PELP1: variants seen among roughly 807,000 people sequenced by gnomAD.
PELP1 encodes the protein proline, glutamate and leucine rich protein 1.
In PELP1, 32 loss-of-function variants were observed where a neutral mutation model predicts 95.5. The ratio of observed to expected loss-of-function variants is 0.34; its 90% CI spans 0.25 to 0.45. PELP1 has a LOEUF of 0.45. Ranked by LOEUF, PELP1 falls within the 20% of genes least tolerant of loss-of-function variation. The pLI is 1.00. For missense variants in PELP1, 1,358 were observed against 1,444.8 expected (o/e 0.94, Z 0.97); for synonymous variants, 668 against 600.1 (o/e 1.11, Z -1.65).
In PELP1 at chr17:4,671,925, T is replaced by C. The variant is rs754204815; in HGVS notation, c.3066A>G (p.Thr1022=). The change falls in exon 16 of 17, where the codon ACA becomes ACG. Residue 1022 remains threonine (T), a synonymous_variant. Transcript: ENST00000572293. The part of the protein sequence containing the change: ...PGTEEERGAD[T]APTLAPEALP... ...GCGCTTCAGGGGCCAGGGTGGGAGC[T>C]GTGTCAGCCCCACGCTCCTCCTCCG... The C allele has an allele frequency of 4.6e-5, 70 of 1,519,438 alleles. 1 individual carries two copies. The highest frequency in any genetic ancestry group is 6.9e-5 in the Admixed American group (3 of 43,770). The allele number at this position is 1,519,438 out of a possible 1,614,324, so 94.1% of individuals were successfully genotyped here.
chr17:4,687,178 AAGAACTATAGTCTTT>A (rs1215178725), intron 3 of PELP1, among the ~76,000 whole-genome samples: 2 of 152,166 alleles, frequency 1.3e-5, no homozygotes, highest in Non-Finnish European at 2.9e-5. Context: ...CATGTTTTCC[AAGAACTATAGTCTTT>A]ACCTCCACAG....
chr17:4,684,997 C>A (rs1162697459), intron 3 of PELP1, among the ~76,000 whole-genome samples: 5 of 152,186 alleles, frequency 3.3e-5, no homozygotes, highest in Non-Finnish European at 7.3e-5. Flanking sequence ...CCAAAAAAGT[C>A]TTTTCTTGAG....
Position 4,691,372 on chromosome 17 carries a change from A to G in PELP1, c.314+6T>C. 6.2e-7 allele frequency: 1 copy of G among 1,610,164 alleles called. No homozygotes were observed. Among genetic ancestry groups the G allele is most frequent in the East Asian group, 2.2e-5 (1 of 44,842 alleles). The stretch of plus-strand genomic sequence containing the variant: ...CCCTGGAGAAAAAAAAGGGCCAAAG[A>G]CTTACCGAGTTTTGATGGAACTGAG... On this transcript the variant is annotated splice_donor_region_variant and intron_variant, in intron 2 of 16. Coordinates refer to ENST00000572293, the MANE Select transcript of PELP1 (RefSeq NM_014389.3).
intron 1 of PELP1, among the ~76,000 whole-genome samples, chr17:4,699,287 G>A (rs1913426569): frequency 6.6e-6 from 1 of 152,068 alleles, no homozygotes; most frequent in African/African-American, 2.4e-5. Context: ...GGCTGAGACA[G>A]GAGAATGACG....
chr17:4,693,965 G>A (rs1913202285), intron 1 of PELP1, among the ~76,000 whole-genome samples: 1 of 152,166 alleles, frequency 6.6e-6, no homozygotes, highest in African/African-American at 2.4e-5. Context: ...GGGAGGCTGA[G>A]GCATAAGAAT....
intron 1 of PELP1, among the ~76,000 whole-genome samples, chr17:4,693,344 C>A (rs1445627298): frequency 1.3e-5 from 2 of 152,208 alleles, no homozygotes; most frequent in Non-Finnish European, 2.9e-5. Flanking sequence ...CCCTTATCTG[C>A]AGGGGGTGCT....
At chr17:4,699,159 C>T (rs1913420996) in intron 1 of PELP1, among the ~76,000 whole-genome samples, 1 of 152,136 alleles carries the variant, frequency 6.6e-6, no homozygotes, top group Non-Finnish European at 1.5e-5. Context: ...GCGGGCGGAT[C>T]ACGAGGTCAG....
chr17:4,673,795 T>C lies in PELP1; in HGVS notation c.1583-121A>G. ...CACTGCCTATCTTGGCCAAGTCATT[T>C]AACTTCTCAACTAGAAAATGGGGAT... On this transcript the variant is annotated intron_variant, in intron 13 of 16. Coordinates refer to ENST00000572293, the MANE Select transcript of PELP1 (RefSeq NM_014389.3). This position sits in a 1 kb window ranked among gnomAD's most constrained non-coding sequence, Gnocchi z 5.7. 1 of 802,740 alleles carries C rather than the reference T, an allele frequency of 1.2e-6. No homozygotes were observed. Among genetic ancestry groups the C allele is most frequent in the Non-Finnish European group, 2.2e-6 (1 of 449,920 alleles). 49.7% of individuals were successfully genotyped at this position (802,740 alleles called of 1,614,324 possible).
chr17:4,673,310 T>C lies in PELP1; in HGVS notation c.1785A>G (p.Pro595=), dbSNP rs1279251278. The C allele has an allele frequency of 6.3e-7, 1 of 1,583,832 alleles. No individual in the cohort carries two copies. The highest frequency in any genetic ancestry group is 8.6e-7 in the Non-Finnish European group (1 of 1,165,418). The change falls in exon 15 of 17, where the codon CCA becomes CCG. Residue 595 remains proline, a synonymous_variant. Coordinates refer to ENST00000572293, the MANE Select transcript of PELP1 (RefSeq NM_014389.3). The surrounding 1 kb of genome is among the most constrained non-coding windows in gnomAD (Gnocchi z 5.7). ...CTTGCAGGGCACAGGCAAGAGGAGG[T>C]GGGCAGCGAGGAGACGGGGCCAGCA... ...ALLLAPSPRC[P]PPLACALQAF... is the part of the protein sequence containing the mutation.
intron 2 of PELP1, 74 bp downstream of exon 2, chr17:4,691,304 G>T: frequency 9.4e-7 from 1 of 1,062,978 alleles, no homozygotes; most frequent in Non-Finnish European, 1.5e-6. Context: ...CGGTGACAAT[G>T]AAAGCAAAGA....
intron 5 of PELP1, among the ~76,000 whole-genome samples, chr17:4,677,645 C>A (rs1386272305): frequency 1.3e-5 from 2 of 152,188 alleles, no homozygotes; most frequent in Non-Finnish European, 2.9e-5. Flanking sequence ...TAAAAAAGCA[C>A]AGGCTGGGTG....
At position 4,704,102 on chromosome 17, in the gene PELP1, C is replaced by G; in HGVS notation, c.10G>C (p.Ala4Pro). Residue 4 changes from alanine to proline, a missense_variant, in exon 1 of 17, where the codon GCC (alanine) becomes CCC (proline). Ala to Pro is a conservative substitution (Grantham distance 27). Coordinates refer to ENST00000572293, the MANE Select transcript of PELP1 (RefSeq NM_014389.3). MAA[A>P]VLSGPSAGSA... Reference sequence around the variant, plus strand: ...CCCGCAGAGGGCCCACTCAGAACGGCTGCCGCCATCTTCCCCCGGGTTCCA... The same window carrying G: ...CCCGCAGAGGGCCCACTCAGAACGGGTGCCGCCATCTTCCCCCGGGTTCCA... 6.2e-7 allele frequency: 1 copy of G among 1,606,876 alleles called. No individual in the cohort carries two copies. Among genetic ancestry groups the G allele is most frequent in the Non-Finnish European group, 8.5e-7 (1 of 1,177,924 alleles).
At chr17:4,690,572 A>C (rs7216467) in intron 3 of PELP1, among the ~76,000 whole-genome samples, 24,532 of 152,018 alleles carry the variant, frequency 0.16, 2,587 homozygotes, top group Non-Finnish European at 0.25. Context: ...AAATACAAAA[A>C]TTAGCCAGGC....
chr17:4,690,860 G>C (rs1457347719), intron 3 of PELP1, 28 bp downstream of exon 3: 1 of 1,396,572 alleles, frequency 7.2e-7, no homozygotes, highest in East Asian at 2.3e-5. Flanking sequence ...GGGAGGAGGA[G>C]GAAGTAGGGC....
intron 1 of PELP1, among the ~76,000 whole-genome samples, chr17:4,701,326 G>A (rs1214606431): frequency 6.6e-6 from 1 of 151,434 alleles, no homozygotes; most frequent in East Asian, 2.0e-4. Context: ...ATGAGAGTTG[G>A]GGGGGTGGGG....
Position 4,672,959 on chromosome 17 carries a change from G to A in PELP1, c.2032C>T (p.Pro678Ser), listed in dbSNP as rs758369823. The change falls in exon 16 of 17, where the codon CCC becomes TCC. Residue 678 changes from proline (P) to serine (S), a missense_variant. By Grantham distance (74) the Pro-to-Ser change is moderately conservative. This residue lies in a region of PELP1 where 340 missense variants were observed against 322.9 expected (regional missense o/e 1.05). Coordinates refer to ENST00000572293, the MANE Select transcript of PELP1 (RefSeq NM_014389.3). ...GCTGAAGGCATGGGGCCTGCTGAGG[G>A]CATGGAGCCCACTGAGGGCATGGGG... The part of the protein sequence containing the change: ...PGPMPSVGSM[P>S]SAGPMPSAGP... The A allele has an allele frequency of 4.4e-6, 7 of 1,598,284 alleles. No individual in the cohort carries two copies. Among genetic ancestry groups the A allele is most frequent in the Non-Finnish European group, 6.0e-6 (7 of 1,171,690 alleles).
At chr17:4,703,228 A>G (rs1291767305) in intron 1 of PELP1, among the ~76,000 whole-genome samples, 1 of 152,044 alleles carries the variant, frequency 6.6e-6, no homozygotes, top group African/African-American at 2.4e-5. Flanking sequence ...CCTTCTTTCC[A>G]GTTCCTTCCT....
intron 3 of PELP1, among the ~76,000 whole-genome samples, chr17:4,686,366 G>C (rs12948841): frequency 1.3e-5 from 2 of 152,134 alleles, no homozygotes; most frequent in Non-Finnish European, 2.9e-5. Flanking sequence ...TCTCAAACCT[G>C]TATCGTTCTC....
chr17:4,688,912 A>G (rs1286859585), intron 3 of PELP1, among the ~76,000 whole-genome samples: 1 of 152,242 alleles, frequency 6.6e-6, no homozygotes, highest in Non-Finnish European at 1.5e-5. Flanking sequence ...CAAAAAGAAC[A>G]AATCTGGGCG....
Sources: gnomAD v4.1 joint callset for allele counts (sites outside exome capture counted in the v4.1 genomes callset) on GRCh38, gnomAD v4.1.1 for gene constraint, gnomAD v4.1.1 regional missense constraint, Gnocchi (gnomAD v3.1) non-coding constraint, MANE v1.5 for transcripts, NCBI Gene and HGNC (gene_info 2026-07-23, HGNC 2026-07-21) for gene names.